Variants in EPS8 observed in about 807,000 individuals in gnomAD.
The protein encoded by EPS8 is epidermal growth factor receptor kinase substrate 8.
Under a neutral mutation model 103.8 loss-of-function variants are expected in EPS8, and 42 were observed. The ratio of observed to expected loss-of-function variants is 0.40; its 90% CI spans 0.32 to 0.52. EPS8 has a LOEUF of 0.52. Ranked by LOEUF, EPS8 falls within the 20% of genes least tolerant of loss-of-function variation. The probability of loss-of-function intolerance (pLI) is 0.40; values close to 1 mark genes in which losing one functional copy is unlikely to be tolerated. For synonymous variants in EPS8, 344 were observed against 344.6 expected, an observed-to-expected ratio of 1.00 and a Z score of 0.02; for missense variants, 969 against 1,005.1, an observed-to-expected ratio of 0.96 and a Z score of 0.49.
rs562584857 is a variant in EPS8, at chr12:15,752,185, C to T, written c.-22+36976G>A. Among the ~76,000 whole-genome samples, 11 of 152,262 alleles carry T rather than the reference C, an allele frequency of 7.2e-5. No individual in the cohort carries two copies. Among genetic ancestry groups the T allele is most frequent in the African/African-American group, 2.4e-4 (10 of 41,544 alleles). The stretch of plus-strand genomic sequence containing the variant: ...CCCCTAGGCCGGGCGTGGTGGCTCA[C>T]GCCTGTAATCCCAGCACTTTGGGAG... On this transcript the variant is annotated intron_variant, in intron 1 of 20. Transcript: ENST00000281172. This position sits in a 1 kb window ranked among gnomAD's most constrained non-coding sequence, Gnocchi z 4.4.
Position 15,681,272 on chromosome 12 carries a change from C to G in EPS8, c.90G>C (p.Gln30His). 5 of 1,555,136 alleles carry G rather than the reference C, an allele frequency of 3.2e-6. No homozygotes were observed. The highest frequency in any genetic ancestry group is 4.4e-6 in the Non-Finnish European group (5 of 1,143,724). ...TTTTTGAACCATGTTCTCTGTCCGT[C>G]TGGGAAAAGGTAGGTGATGATCCGT... Reference protein sequence around the residue: ...NGYGSSPTFSQTDREHGSKTS... With the variant: ...NGYGSSPTFSHTDREHGSKTS... Residue 30 changes from glutamine to histidine, a missense_variant, in exon 3 of 21, where the codon CAG becomes CAC. By Grantham distance (24) the Gln-to-His change is conservative. Transcript: ENST00000281172.
At chr12:15,629,907 G>A (rs1266050159) in intron 18 of EPS8, among the ~76,000 whole-genome samples, 1 of 152,094 alleles carries the variant, frequency 6.6e-6, no homozygotes, top group Non-Finnish European at 1.5e-5. Context: ...ATGAAAATGG[G>A]AGTGAAAGAT....
intron 8 of EPS8, 119 bp downstream of exon 8, chr12:15,665,637 G>A: frequency 1.5e-6 from 2 of 1,297,916 alleles, no homozygotes; most frequent in Non-Finnish European, 2.2e-6. Flanking sequence ...GGCCAGAGTT[G>A]ATTTTTTAAA....
rs536668366 is a variant in EPS8 at position 15,658,013 on chromosome 12, C to T, written c.1101+66G>A. On this transcript the variant is annotated intron_variant, in intron 12 of 20. Coordinates refer to ENST00000281172, the MANE Select transcript of EPS8 (RefSeq NM_004447.6). ...ATGAAGAAAAGCAGTCTAGATAATCCAGACAGACACTTGGGGTTAAAAAAT... is the reference window on the plus strand; with the variant it reads ...ATGAAGAAAAGCAGTCTAGATAATCTAGACAGACACTTGGGGTTAAAAAAT... 1.2e-4 allele frequency: 112 copies of T among 956,358 alleles called. 3 individuals are homozygous for T. The South Asian group carries it at 1.5e-3, about 13-fold the overall frequency. 59.2% of individuals were successfully genotyped at this position (956,358 alleles called of 1,614,324 possible).
At chr12:15,724,182 A>C (rs1946628055) in intron 1 of EPS8, among the ~76,000 whole-genome samples, 1 of 152,180 alleles carries the variant, frequency 6.6e-6, no homozygotes, top group Non-Finnish European at 1.5e-5. Context: ...TTTATGTATA[A>C]GGTATATGTA....
At chr12:15,638,353 A>G (rs1195025684) in intron 17 of EPS8, among the ~76,000 whole-genome samples, 1 of 152,202 alleles carries the variant, frequency 6.6e-6, no homozygotes, top group African/African-American at 2.4e-5. Context: ...AGCAGATAGC[A>G]AAGCAGACTG....
rs1313667883 is a variant in EPS8 at position 15,728,923 on chromosome 12, T to C, written c.-21-45951A>G. ...ATCCATCTTTTTTAAAAACATTTCT[T>C]GTAAGGCACTGTGCTGGCAGCAAAT... On this transcript the variant is annotated intron_variant, in intron 1 of 20. Transcript: ENST00000281172. The surrounding 1 kb of genome is among the most constrained non-coding windows in gnomAD (Gnocchi z 4.5). Among the ~76,000 whole-genome samples the C allele has an allele frequency of 6.6e-6, 1 of 152,196 alleles. No individual in the cohort carries two copies. Among genetic ancestry groups the C allele is most frequent in the Non-Finnish European group, 1.5e-5 (1 of 68,016 alleles).
rs1328023682 is a variant in EPS8, at chr12:15,731,613, T to C, written c.-21-48641A>G. 6.6e-6 allele frequency among the ~76,000 whole-genome samples: 1 copy of C among 152,200 alleles called. No individual in the cohort carries two copies. The highest frequency in any genetic ancestry group is 2.4e-5 in the African/African-American group (1 of 41,464). On this transcript the variant is annotated intron_variant, in intron 1 of 20. Coordinates refer to ENST00000281172, the MANE Select transcript of EPS8 (RefSeq NM_004447.6). The surrounding 1 kb of genome is among the most constrained non-coding windows in gnomAD (Gnocchi z 5.1). ...ATGCCTGGCCTTAATTGACTTTTAA[T>C]TGGCTTTTTCACATCATGTGACTTC...
intron 1 of EPS8, among the ~76,000 whole-genome samples, chr12:15,786,302 C>T (rs375749215): frequency 6.6e-6 from 1 of 151,930 alleles, no homozygotes; most frequent in African/African-American, 2.4e-5. Context: ...TGAGAAAAAA[C>T]ATTAGATGAA....
rs577235995 is a variant in EPS8 at position 15,690,431 on chromosome 12, C to A, written c.-21-7459G>T. Among the ~76,000 whole-genome samples, 1 of 152,164 alleles carries A rather than the reference C, an allele frequency of 6.6e-6. No individual in the cohort carries two copies. Among genetic ancestry groups the A allele is most frequent in the African/African-American group, 2.4e-5 (1 of 41,562 alleles). On this transcript the variant is annotated intron_variant, in intron 1 of 20. Transcript: ENST00000281172. This position sits in a 1 kb window ranked among gnomAD's most constrained non-coding sequence, Gnocchi z 4.7. ...ATAATGCACATACTTACACTACCCC[C>A]AAACTACTTCTCATATATTTTATTG...
chr12:15,732,709 A>G (rs1418723478), intron 1 of EPS8: 28 of 912,642 alleles, frequency 3.1e-5, no homozygotes, highest in Non-Finnish European at 3.7e-5. Context: ...TTAAAGATGA[A>G]AAAGAATATG....
rs1390087431 is a variant in EPS8 at position 15,762,813 on chromosome 12, A to T, written c.-22+26348T>A. Reference sequence around the variant, plus strand: ...GGATATGGTTAATGAGTATTAAAAAATAGTTAAAAAGAATAAGACCTAGTA... The same window carrying T: ...GGATATGGTTAATGAGTATTAAAAATTAGTTAAAAAGAATAAGACCTAGTA... On this transcript the variant is annotated intron_variant, in intron 1 of 20. Transcript: ENST00000281172. The surrounding 1 kb of genome is among the most constrained non-coding windows in gnomAD (Gnocchi z 4.8). Among the ~76,000 whole-genome samples the T allele has an allele frequency of 6.6e-6, 1 of 152,184 alleles. No homozygotes were observed. The highest frequency in any genetic ancestry group is 1.5e-5 in the Non-Finnish European group (1 of 68,016).
chr12:15,741,565 T>C (rs1031214910), intron 1 of EPS8, among the ~76,000 whole-genome samples: 1 of 152,182 alleles, frequency 6.6e-6, no homozygotes, highest in Non-Finnish European at 1.5e-5. Context: ...TCCCTGACTT[T>C]GTGAGGGCAA....
intron 1 of EPS8, among the ~76,000 whole-genome samples, chr12:15,719,975 C>T (rs572520558): frequency 2.0e-5 from 3 of 152,204 alleles, no homozygotes; most frequent in East Asian, 1.9e-4. Context: ...CCTGGCTATA[C>T]AATTTAGTGT....
chr12:15,636,068 G>A (rs1490615281), intron 17 of EPS8, among the ~76,000 whole-genome samples: 1 of 152,136 alleles, frequency 6.6e-6, no homozygotes, highest in Non-Finnish European at 1.5e-5. Context: ...CATATACCTT[G>A]CAAATTTAAA....
chr12:15,720,765 C>G (rs1431498907), intron 1 of EPS8, among the ~76,000 whole-genome samples: 1 of 152,148 alleles, frequency 6.6e-6, no homozygotes, highest in African/African-American at 2.4e-5. Flanking sequence ...TCCTTGCTCA[C>G]TTTGCCCCAG....
chr12:15,651,020 T>C lies in EPS8; in HGVS notation c.1251-14A>G. ...GGCCACTCTGCTCTGCAGGAGGGAA[T>C]GAAGGCATATAAACAATAAAATCTA... On this transcript the variant is annotated splice_polypyrimidine_tract_variant and intron_variant, in intron 13 of 20. Transcript: ENST00000281172. 2 of 1,606,408 alleles carry C rather than the reference T, an allele frequency of 1.2e-6. No individual in the cohort carries two copies. The highest frequency in any genetic ancestry group is 1.1e-5 in the South Asian group (1 of 89,810).
intron 1 of EPS8, among the ~76,000 whole-genome samples, chr12:15,722,797 T>G (rs1309817336): frequency 3.3e-5 from 5 of 152,168 alleles, no homozygotes; most frequent in Non-Finnish European, 7.3e-5. Context: ...TTCTCACCTC[T>G]TTTAAGGCAC....
chr12:15,735,315 A>C lies in EPS8; in HGVS notation c.-21-52343T>G, dbSNP rs1031487269. Among the ~76,000 whole-genome samples the C allele has an allele frequency of 6.6e-6, 1 of 152,230 alleles. No individual in the cohort carries two copies. Among genetic ancestry groups the C allele is most frequent in the African/African-American group, 2.4e-5 (1 of 41,458 alleles). ...TGCAAACCATAGTTGCTTTTGCTTAAGAAATATATTTCATTCTTCCCTATA... is the reference window on the plus strand; with the variant it reads ...TGCAAACCATAGTTGCTTTTGCTTACGAAATATATTTCATTCTTCCCTATA... On this transcript the variant is annotated intron_variant, in intron 1 of 20. Transcript: ENST00000281172. This position sits in a 1 kb window ranked among gnomAD's most constrained non-coding sequence, Gnocchi z 4.4.
Sources: allele counts gnomAD v4.1 joint callset (sites outside exome capture counted in the v4.1 genomes callset), GRCh38; gene constraint gnomAD v4.1.1; non-coding constraint Gnocchi (gnomAD v3.1); transcripts MANE v1.5; gene names NCBI Gene and HGNC (gene_info 2026-07-23, HGNC 2026-07-21).